The following ARHGAP39 variants were observed in gnomAD, a reference collection of about 807,000 sequenced individuals.
ARHGAP39 encodes rho GTPase-activating protein 39.
In ARHGAP39, 44 loss-of-function variants were observed where a neutral mutation model predicts 106.9. That is an observed-to-expected ratio of 0.41 (90% CI 0.32 to 0.53). The LOEUF (loss-of-function observed/expected upper bound fraction) is 0.53. ARHGAP39 is among the 20% of genes least tolerant of loss of function. The pLI is 0.21. For synonymous variants in ARHGAP39, 768 were observed against 693.2 expected (o/e 1.11, Z -1.69); for missense variants, 1,496 against 1,577.3 (o/e 0.95, Z 0.87).
At position 144,532,334 on chromosome 8, in the gene ARHGAP39, G is replaced by A. The variant is rs1816759896; in HGVS notation, c.2951C>T (p.Pro984Leu). 1 of 1,612,828 alleles carries A rather than the reference G, an allele frequency of 6.2e-7. No homozygotes were observed. Among genetic ancestry groups the A allele is most frequent in the Non-Finnish European group, 8.5e-7 (1 of 1,179,726 alleles). Residue 984 changes from proline to leucine, a missense_variant, in exon 10 of 12, where the codon CCC (proline) becomes CTC (leucine). Around this residue, in one of 4 missense-constraint regions of ARHGAP39, gnomAD observed 470 missense variants for 605.1 expected, o/e 0.78. Transcript: ENST00000377307. The stretch of plus-strand genomic sequence containing the variant: ...GACGTGGGGGTCTTCCAGGCCTGTG[G>A]GCACCTTCCACTGGTCCACCTGCAG... The part of the protein sequence containing the change: ...LKLQVDQWKV[P>L]TGLEDPHVPA...
chr8:144,640,271 T>C (rs1208520248), intron 1 of ARHGAP39, among the ~76,000 whole-genome samples: 3 of 152,208 alleles, frequency 2.0e-5, no homozygotes, highest in Non-Finnish European at 4.4e-5. Flanking sequence ...TTTGGCTCTG[T>C]GTCCCCACCC....
At chr8:144,580,824 T>C (rs1394137251) in intron 3 of ARHGAP39, 22 bp downstream of exon 3, 14 of 1,152,478 alleles carry the variant, frequency 1.2e-5, no homozygotes, top group East Asian at 6.6e-5. Flanking sequence ...GCCCCGCCCA[T>C]AGCAGCTGCC....
chr8:144,652,860 C>A (rs901484066), intron 1 of ARHGAP39, among the ~76,000 whole-genome samples: 2 of 151,758 alleles, frequency 1.3e-5, no homozygotes, highest in African/African-American at 4.8e-5. Flanking sequence ...AACAAACCCC[C>A]GTGACATGAG....
Position 144,533,277 on chromosome 8 carries a change from C to A in ARHGAP39, c.2737G>T (p.Val913Leu), listed in dbSNP as rs149697227. ...VEEIRHAKNA[V>L]FSPSMFGSAL... ...CTGCCGAACATGGACGGGCTGAACACGGCGTTCTTGGCATGCCGGATCTCC... is the reference window on the plus strand; with the variant it reads ...CTGCCGAACATGGACGGGCTGAACAAGGCGTTCTTGGCATGCCGGATCTCC... The change falls in exon 9 of 12, where the codon GTG becomes TTG. Residue 913 changes from valine to leucine, a missense_variant. Val to Leu is a conservative substitution (Grantham distance 32). This residue lies in a region of ARHGAP39 where 470 missense variants were observed against 605.1 expected (regional missense o/e 0.78). Transcript: ENST00000377307. The A allele has an allele frequency of 6.2e-7, 1 of 1,613,174 alleles. No individual in the cohort carries two copies.
chr8:144,599,881 T>A (rs1372843891), intron 2 of ARHGAP39, among the ~76,000 whole-genome samples: 1 of 152,126 alleles, frequency 6.6e-6, no homozygotes, highest in Non-Finnish European at 1.5e-5. Context: ...CAATTTTAGA[T>A]GAATTATCAG....
At chr8:144,567,744 T>TTC (rs973958064) in intron 3 of ARHGAP39, among the ~76,000 whole-genome samples, 19 of 152,154 alleles carry the variant, frequency 1.2e-4, no homozygotes, top group Non-Finnish European at 2.4e-4. Context: ...CGTAAGTTGT[T>TTC]TCTCTCTCTC....
At chr8:144,563,031 C>G (rs571100648) in intron 3 of ARHGAP39, among the ~76,000 whole-genome samples, 2 of 152,350 alleles carry the variant, frequency 1.3e-5, no homozygotes, top group East Asian at 3.8e-4. Context: ...CTAGAACACA[C>G]AGTATTTTCA....
intron 6 of ARHGAP39, among the ~76,000 whole-genome samples, chr8:144,542,849 C>T (rs1167591327): frequency 6.6e-6 from 1 of 151,730 alleles, no homozygotes; most frequent in South Asian, 2.1e-4. Context: ...TGAGGCAGGA[C>T]AATCGCTTGA....
chr8:144,663,295 G>A (rs1025017801), intron 1 of ARHGAP39, among the ~76,000 whole-genome samples: 2 of 152,132 alleles, frequency 1.3e-5, no homozygotes, highest in African/African-American at 4.8e-5. Context: ...GGCTGTACAG[G>A]AAGCACAGCA....
rs908929372 is a variant in ARHGAP39, at chr8:144,647,487, C to A, written c.-82+38199G>T. Reference sequence around the variant, plus strand: ...CCCAGAACATTCCCACAAGGAAAGGCTATCGGCAGCCTGCAGCCGCCCACC... The same window carrying A: ...CCCAGAACATTCCCACAAGGAAAGGATATCGGCAGCCTGCAGCCGCCCACC... On this transcript the variant is annotated intron_variant, in intron 1 of 11. Coordinates refer to ENST00000377307, the MANE Select transcript of ARHGAP39 (RefSeq NM_025251.3). The surrounding 1 kb of genome is among the most constrained non-coding windows in gnomAD (Gnocchi z 4.8). Among the ~76,000 whole-genome samples, 1 of 152,238 alleles carries A rather than the reference C, an allele frequency of 6.6e-6. No individual in the cohort carries two copies. The highest frequency in any genetic ancestry group is 1.5e-5 in the Non-Finnish European group (1 of 68,036).
chr8:144,538,011 G>A (rs756713579), intron 6 of ARHGAP39, among the ~76,000 whole-genome samples, 198 bp from the exon 7 acceptor site: 3 of 152,214 alleles, frequency 2.0e-5, no homozygotes, highest in Non-Finnish European at 4.4e-5. Flanking sequence ...TGAGCACTGT[G>A]TGGGCTGGGA....
intron 1 of ARHGAP39, among the ~76,000 whole-genome samples, chr8:144,643,804 A>G (rs1350880029): frequency 1.3e-5 from 2 of 152,224 alleles, no homozygotes; most frequent in African/African-American, 2.4e-5. Flanking sequence ...TTGTCTTTTC[A>G]TCTTCTTAAT....
intron 1 of ARHGAP39, among the ~76,000 whole-genome samples, chr8:144,632,008 A>G (rs1391124962): frequency 6.6e-6 from 1 of 152,148 alleles, no homozygotes; most frequent in South Asian, 2.1e-4. Flanking sequence ...TGCAACGTGC[A>G]CTGGTTCTCA....
In ARHGAP39 at chr8:144,591,248, T is replaced by C. The variant is rs908725793; in HGVS notation, c.81-9971A>G. 6.6e-6 allele frequency among the ~76,000 whole-genome samples: 1 copy of C among 152,130 alleles called. No homozygotes were observed. The highest frequency in any genetic ancestry group is 1.5e-5 in the Non-Finnish European group (1 of 68,016). On this transcript the variant is annotated intron_variant, in intron 2 of 11. Transcript: ENST00000377307. This position sits in a 1 kb window ranked among gnomAD's most constrained non-coding sequence, Gnocchi z 5.3. ...AATGGACAGCTGCTCTGTGCTCCCG[T>C]GAGCACAGACCTGCAGGGGAGGGTG...
rs1208313313 is a variant in ARHGAP39, at chr8:144,647,733, G to A, written c.-82+37953C>T. On this transcript the variant is annotated intron_variant, in intron 1 of 11. Transcript: ENST00000377307. This position sits in a 1 kb window ranked among gnomAD's most constrained non-coding sequence, Gnocchi z 4.8. ...CCAATGCAGAATGCAGAGAAAGCAA[G>A]ACGCCGTGCCAGGGGAGGGCAGCTG... is the stretch of plus-strand genomic sequence containing the variant. 2.0e-5 allele frequency among the ~76,000 whole-genome samples: 3 copies of A among 152,272 alleles called. No homozygotes were observed. Among genetic ancestry groups the A allele is most frequent in the Non-Finnish European group, 2.9e-5 (2 of 68,050 alleles).
At chr8:144,552,388 G>A (rs1425327920) in intron 4 of ARHGAP39, among the ~76,000 whole-genome samples, 3 of 152,264 alleles carry the variant, frequency 2.0e-5, no homozygotes, top group Middle Eastern at 3.2e-3. Flanking sequence ...AGCGCGCGGC[G>A]GCAGCAGCCG....
chr8:144,663,251 TA>T (rs199886740), intron 1 of ARHGAP39, among the ~76,000 whole-genome samples: 2 of 151,912 alleles, frequency 1.3e-5, no homozygotes, highest in East Asian at 1.9e-4. Context: ...ATTTATTTTT[TA>T]AAAAAAAGGT....
At chr8:144,549,400 G>A (rs1218491914) in intron 4 of ARHGAP39, among the ~76,000 whole-genome samples, 8 of 152,234 alleles carry the variant, frequency 5.3e-5, no homozygotes, top group African/African-American at 2.4e-5. Context: ...GCGGCCTGAC[G>A]TCTTCTACAA....
chr8:144,690,772 G>A (rs975653976), upstream of ARHGAP39, among the ~76,000 whole-genome samples: 1 of 148,478 alleles, frequency 6.7e-6, no homozygotes, highest in Non-Finnish European at 1.5e-5. Context: ...AGCCTCCCAA[G>A]TAGCTGGAAC....
Sources: gnomAD v4.1 joint callset for allele counts (sites outside exome capture counted in the v4.1 genomes callset) on GRCh38, gnomAD v4.1.1 for gene constraint, gnomAD v4.1.1 regional missense constraint, Gnocchi (gnomAD v3.1) non-coding constraint, MANE v1.5 for transcripts, NCBI Gene and HGNC (gene_info 2026-07-23, HGNC 2026-07-21) for gene names.